DKK2: variants seen among roughly 807,000 people sequenced by gnomAD.
DKK2 encodes dickkopf Wnt signaling pathway inhibitor 2, also known as dickkopf-related protein 2.
In DKK2, 11 loss-of-function variants were observed where a neutral mutation model predicts 28.1. The observed-to-expected ratio is 0.39, with a 90% CI of 0.25 to 0.65. DKK2 has a LOEUF of 0.65. Among genes scored for constraint, DKK2 ranks in the 30% least tolerant of loss-of-function variants. The pLI, the probability that DKK2 is intolerant of heterozygous loss-of-function variation, is 0.47. For missense variants in DKK2, 326 were observed against 335.5 expected (o/e 0.97, Z 0.22); for synonymous variants, 135 against 126.5 (o/e 1.07, Z -0.45).
intron 1 of DKK2, among the ~76,000 whole-genome samples, chr4:106,974,945 G>A (rs980612120): frequency 1.3e-5 from 2 of 152,110 alleles, no homozygotes; most frequent in Admixed American, 6.5e-5. Flanking sequence ...ACAGCTTTTA[G>A]TATAAAGGGG....
chr4:107,019,112 C>T (rs1441390186), intron 1 of DKK2, among the ~76,000 whole-genome samples: 2 of 151,974 alleles, frequency 1.3e-5, no homozygotes, highest in Non-Finnish European at 2.9e-5. Flanking sequence ...ACTTCAACAA[C>T]GTTTCCAGAG....
chr4:106,988,575 A>G (rs1196381843), intron 1 of DKK2, among the ~76,000 whole-genome samples: 1 of 152,158 alleles, frequency 6.6e-6, no homozygotes, highest in East Asian at 1.9e-4. Flanking sequence ...AATTAACGTG[A>G]GTTCAAGTAC....
chr4:107,034,192 G>A (rs1365345846), intron 1 of DKK2, among the ~76,000 whole-genome samples: 1 of 152,098 alleles, frequency 6.6e-6, no homozygotes. Flanking sequence ...CCAACCTTCA[G>A]CCGGCTGGCT....
chr4:107,024,811 T>C (rs1723749217), intron 1 of DKK2, among the ~76,000 whole-genome samples: 1 of 152,196 alleles, frequency 6.6e-6, no homozygotes, highest in African/African-American at 2.4e-5. Context: ...AAAAATAGGC[T>C]AACAAGGTTT....
In DKK2 at chr4:106,967,513, A is replaced by G. The variant is rs13135814; in HGVS notation, c.223-41564T>C. Reference sequence around the variant, plus strand: ...CCAGAGGGAAGAGAGCAAGGTAGGGATGGTGTGAGATGAGGCTGCTCATCC... The same window carrying G: ...CCAGAGGGAAGAGAGCAAGGTAGGGGTGGTGTGAGATGAGGCTGCTCATCC... On this transcript the variant is annotated intron_variant, in intron 1 of 3. Transcript: ENST00000285311. Among the ~76,000 whole-genome samples, 513 of 152,196 alleles carry G rather than the reference A, an allele frequency of 3.4e-3. 2 individuals carry two copies. The highest frequency in any genetic ancestry group is 6.0e-3 in the Non-Finnish European group (409 of 67,990).
At chr4:107,006,804 C>G (rs1249447127) in intron 1 of DKK2, among the ~76,000 whole-genome samples, 1 of 152,106 alleles carries the variant, frequency 6.6e-6, no homozygotes, top group Admixed American at 6.6e-5. Context: ...AAATAAAAAC[C>G]TTTTGGCTAA....
chr4:107,008,936 A>G (rs562844697), intron 1 of DKK2, among the ~76,000 whole-genome samples: 28 of 152,150 alleles, frequency 1.8e-4, no homozygotes, highest in Admixed American at 1.7e-3. Flanking sequence ...TAGATTATCT[A>G]ACAGAAATAT....
At chr4:106,972,257 A>G (rs932262452) in intron 1 of DKK2, among the ~76,000 whole-genome samples, 1 of 152,028 alleles carries the variant, frequency 6.6e-6, no homozygotes, top group African/African-American at 2.4e-5. Context: ...AATTTACAGA[A>G]GCAAATTTAT....
chr4:106,967,507 G>T (rs547190304), intron 1 of DKK2, among the ~76,000 whole-genome samples: 47 of 152,244 alleles, frequency 3.1e-4, no homozygotes, highest in African/African-American at 1.1e-3. Flanking sequence ...AGAGAGCAAG[G>T]TAGGGATGGT....
chr4:106,987,264 G>C (rs191095956), intron 1 of DKK2, among the ~76,000 whole-genome samples: 247 of 152,286 alleles, frequency 1.6e-3, no homozygotes, highest in African/African-American at 5.6e-3. Context: ...GAATAAACCA[G>C]ATTGTGAGCT....
chr4:106,996,057 A>T (rs1309186831), intron 1 of DKK2, among the ~76,000 whole-genome samples: 1 of 152,242 alleles, frequency 6.6e-6, no homozygotes, highest in Non-Finnish European at 1.5e-5. Flanking sequence ...GAGGAAAAAT[A>T]GTTCTGAAGA....
chr4:106,931,694 G>A (rs750186625), intron 1 of DKK2, among the ~76,000 whole-genome samples: 50 of 152,126 alleles, frequency 3.3e-4, no homozygotes, highest in Middle Eastern at 6.8e-3. Flanking sequence ...TTACTCATGG[G>A]CATTTTCTCT....
At chr4:107,007,577 A>G (rs1051947385) in intron 1 of DKK2, among the ~76,000 whole-genome samples, 2 of 152,134 alleles carry the variant, frequency 1.3e-5, no homozygotes, top group East Asian at 1.9e-4. Flanking sequence ...ACTGAAGGTG[A>G]TTATTTAACC....
At chr4:106,936,512 G>T (rs1055731600) in intron 1 of DKK2, among the ~76,000 whole-genome samples, 1 of 152,168 alleles carries the variant, frequency 6.6e-6, no homozygotes, top group African/African-American at 2.4e-5. Context: ...AAAGGGATGG[G>T]GAGAATGGAA....
At chr4:106,977,916 G>A (rs1401407940) in intron 1 of DKK2, among the ~76,000 whole-genome samples, 1 of 152,118 alleles carries the variant, frequency 6.6e-6, no homozygotes, top group Non-Finnish European at 1.5e-5. Flanking sequence ...TTCAGATGGG[G>A]TTTTTGTGTG....
At chr4:106,928,577 A>T (rs1413775963) in intron 1 of DKK2, among the ~76,000 whole-genome samples, 1 of 152,180 alleles carries the variant, frequency 6.6e-6, no homozygotes, top group African/African-American at 2.4e-5. Flanking sequence ...TCAAGAAGGG[A>T]TGAAATAAAT....
chr4:107,020,948 A>G (rs912132247), intron 1 of DKK2, among the ~76,000 whole-genome samples: 1 of 152,058 alleles, frequency 6.6e-6, no homozygotes. Flanking sequence ...CTGCTTCTGG[A>G]ACACCATGAT....
At chr4:106,964,856 C>T (rs1201484000) in intron 1 of DKK2, among the ~76,000 whole-genome samples, 7 of 151,954 alleles carry the variant, frequency 4.6e-5, no homozygotes, top group Non-Finnish European at 1.5e-5. Context: ...GATTTTTGGA[C>T]TTGTCAGTCC....
chr4:107,028,255 ACT>A (rs1450616645), intron 1 of DKK2, among the ~76,000 whole-genome samples: 1 of 151,982 alleles, frequency 6.6e-6, no homozygotes, highest in African/African-American at 2.4e-5. Context: ...TATAATTCTT[ACT>A]CTCAGAGTAA....
Sources: allele counts gnomAD v4.1 joint callset (sites outside exome capture counted in the v4.1 genomes callset), GRCh38; gene constraint gnomAD v4.1.1; transcripts MANE v1.5; gene names NCBI Gene and HGNC (gene_info 2026-07-23, HGNC 2026-07-21).